PDE9A: variants seen among roughly 807,000 people sequenced by gnomAD.
PDE9A encodes the protein phosphodiesterase 9A, also known as high affinity cGMP-specific 3',5'-cyclic phosphodiesterase 9A.
In PDE9A, 60 loss-of-function variants were observed where a neutral mutation model predicts 87.4. The ratio of observed to expected loss-of-function variants is 0.69; its 90% CI spans 0.56 to 0.85. PDE9A has a LOEUF of 0.85. PDE9A is among the 40% of genes least tolerant of loss of function. PDE9A has a pLI of 0.00. For missense variants in PDE9A, 665 were observed against 779.0 expected (o/e 0.85, Z 1.74); for synonymous variants, 272 against 279.4 (o/e 0.97, Z 0.27).
chr21:42,737,968 C>G (rs979616962), intron 7 of PDE9A, among the ~76,000 whole-genome samples: 3 of 152,174 alleles, frequency 2.0e-5, no homozygotes, highest in Non-Finnish European at 4.4e-5. Context: ...TAGCCTTGTT[C>G]GAGAGATCTG....
chr21:42,705,565 C>T lies in PDE9A; in HGVS notation c.262+6554C>T, dbSNP rs951850103. 6.6e-6 allele frequency among the ~76,000 whole-genome samples: 1 copy of T among 152,138 alleles called. No homozygotes were observed. The highest frequency in any genetic ancestry group is 1.5e-5 in the Non-Finnish European group (1 of 68,034). ...GCGTGGGTCCATGGGTCCGTGTGAT[C>T]TCATGACCGTATCAAGGGGATTGTG... On this transcript the variant is annotated intron_variant, in intron 4 of 19. Transcript: ENST00000291539. This position sits in a 1 kb window ranked among gnomAD's most constrained non-coding sequence, Gnocchi z 4.3.
At chr21:42,664,009 C>T (rs1052496179) in intron 1 of PDE9A, among the ~76,000 whole-genome samples, 2 of 152,198 alleles carry the variant, frequency 1.3e-5, no homozygotes, top group African/African-American at 2.4e-5. Context: ...ACCATGTGTC[C>T]TCAGACAATG....
rs1420081963 is a variant in PDE9A at position 42,653,757 on chromosome 21, C to T, written c.-58C>T. The stretch of plus-strand genomic sequence containing the variant: ...CCCTGCTCCCCTCCCCCGCCTCCCG[C>T]GGCGGCTGGCGTCGGGAAAGTACAG... On this transcript the variant is annotated 5_prime_UTR_variant, in exon 1 of 20. Transcript: ENST00000291539. 3.8e-6 allele frequency: 4 copies of T among 1,063,276 alleles called. No individual in the cohort carries two copies. The highest frequency in any genetic ancestry group is 5.3e-6 in the Non-Finnish European group (4 of 747,994). The allele number at this position is 1,063,276 out of a possible 1,614,324, so 65.9% of individuals were successfully genotyped here.
rs2146596403 is a variant in PDE9A, at chr21:42,722,106, G to A, written c.263-9664G>A. The stretch of plus-strand genomic sequence containing the variant: ...TTCTCCTGCCTCAGCCTCCCGAGTA[G>A]CTGGGATTACAGGCACGTACCACCA... On this transcript the variant is annotated intron_variant, in intron 4 of 19. Coordinates refer to ENST00000291539, the MANE Select transcript of PDE9A (RefSeq NM_002606.3). This position sits in a 1 kb window ranked among gnomAD's most constrained non-coding sequence, Gnocchi z 4.1. Among the ~76,000 whole-genome samples the A allele has an allele frequency of 6.6e-6, 1 of 152,054 alleles. No individual in the cohort carries two copies. The highest frequency in any genetic ancestry group is 2.1e-4 in the South Asian group (1 of 4,812).
intron 2 of PDE9A, among the ~76,000 whole-genome samples, chr21:42,687,199 C>T (rs2059529139): frequency 1.3e-5 from 2 of 152,166 alleles, no homozygotes; most frequent in Non-Finnish European, 2.9e-5. Flanking sequence ...TGAAGTTTCT[C>T]ACAGACAGGT....
At chr21:42,658,210 G>A (rs556006849) in intron 1 of PDE9A, among the ~76,000 whole-genome samples, 4 of 152,308 alleles carry the variant, frequency 2.6e-5, no homozygotes, top group African/African-American at 9.6e-5. Context: ...CAACCTCTGC[G>A]GGCCCCAGAG....
At chr21:42,716,552 C>G (rs1010050754) in intron 4 of PDE9A, among the ~76,000 whole-genome samples, 29 of 151,398 alleles carry the variant, frequency 1.9e-4, no homozygotes, top group African/African-American at 7.0e-4. Context: ...CTGTTCATAT[C>G]TTTTGGCCAC....
At chr21:42,772,643 T>C (rs2057126285) in intron 19 of PDE9A, 123 bp downstream of exon 19, 2 of 687,882 alleles carry the variant, frequency 2.9e-6, no homozygotes, top group African/African-American at 3.6e-5. Context: ...GGAACTTTTT[T>C]TTTTTTTGAA....
intron 3 of PDE9A, among the ~76,000 whole-genome samples, chr21:42,693,534 C>T (rs1210240598): frequency 1.3e-5 from 2 of 151,778 alleles, no homozygotes; most frequent in African/African-American, 2.4e-5. Context: ...TCGTGATCCA[C>T]CTGCCTCGGC....
At chr21:42,740,583 GTGGATGGATGGATGGATGGATGGA>G (rs58306941) in intron 7 of PDE9A, among the ~76,000 whole-genome samples, 4 of 108,878 alleles carry the variant, frequency 3.7e-5, no homozygotes, top group South Asian at 2.6e-4. Context: ...AGATGGATGG[GTGGATGGATGGATGGATGGATGGA>G]TGGATGGATG....
intron 2 of PDE9A, among the ~76,000 whole-genome samples, chr21:42,687,075 C>T (rs963754834): frequency 1.3e-5 from 2 of 152,130 alleles, no homozygotes; most frequent in African/African-American, 2.4e-5. Flanking sequence ...ACAGTGTGTT[C>T]GAGCCAGTGA....
intron 7 of PDE9A, among the ~76,000 whole-genome samples, chr21:42,740,443 C>CAA (rs56151302): frequency 7.9e-5 from 9 of 114,102 alleles, no homozygotes; most frequent in Admixed American, 7.7e-4. Flanking sequence ...GCCCCTGTCT[C>CAA]AAAAAAAAAA....
intron 4 of PDE9A, among the ~76,000 whole-genome samples, chr21:42,715,276 T>A (rs2146512695): frequency 6.6e-6 from 1 of 151,066 alleles, no homozygotes; most frequent in South Asian, 2.1e-4. Context: ...CTCCCACATG[T>A]TCCCCCCACA....
At chr21:42,766,639 G>A (rs916896085) in intron 15 of PDE9A, among the ~76,000 whole-genome samples, 12 of 152,162 alleles carry the variant, frequency 7.9e-5, no homozygotes, top group African/African-American at 2.9e-4. Flanking sequence ...CCGCAGGCAA[G>A]GGCTGGACAG....
At chr21:42,673,560 C>T (rs1260181589) in intron 1 of PDE9A, among the ~76,000 whole-genome samples, 1 of 152,208 alleles carries the variant, frequency 6.6e-6, no homozygotes, top group Non-Finnish European at 1.5e-5. Flanking sequence ...CATATATAAA[C>T]AGTTGGGCAA....
intron 4 of PDE9A, among the ~76,000 whole-genome samples, chr21:42,711,384 A>G (rs1011945937): frequency 6.6e-6 from 1 of 151,504 alleles, no homozygotes; most frequent in African/African-American, 2.4e-5. Context: ...CCGAGTAACT[A>G]GGATTACAGG....
At chr21:42,653,978 TC>T in intron 1 of PDE9A, 95 bp downstream of exon 1, 1 of 536,430 alleles carries the variant, frequency 1.9e-6, no homozygotes, top group Non-Finnish European at 3.1e-6. Flanking sequence ...CGTCTGCCGG[TC>T]CAGGCTGCGG....
intron 1 of PDE9A, among the ~76,000 whole-genome samples, chr21:42,676,793 C>T (rs1229684783): frequency 6.6e-6 from 1 of 152,236 alleles, no homozygotes; most frequent in African/African-American, 2.4e-5. Flanking sequence ...TCTTAGAAAT[C>T]AGTCCTCCTT....
intron 15 of PDE9A, 84 bp from the exon 16 acceptor site, chr21:42,768,104 G>A (rs1602575012): frequency 1.2e-6 from 1 of 840,350 alleles, no homozygotes. Flanking sequence ...CTTCCTGCCT[G>A]TAATGGCAAG....
Sources: gnomAD v4.1 joint callset for allele counts (sites outside exome capture counted in the v4.1 genomes callset) on GRCh38, gnomAD v4.1.1 for gene constraint, Gnocchi (gnomAD v3.1) non-coding constraint, MANE v1.5 for transcripts, NCBI Gene and HGNC (gene_info 2026-07-23, HGNC 2026-07-21) for gene names.